CSMD1: variants seen among roughly 807,000 people sequenced by gnomAD.
CSMD1 encodes CUB and Sushi multiple domains 1.
A neutral mutation model predicts 417.5 loss-of-function variants in CSMD1; 213 were observed. The observed-to-expected ratio is 0.51, with a 90% CI of 0.46 to 0.57. The LOEUF (loss-of-function observed/expected upper bound fraction) is 0.57, where lower values mean the gene tolerates loss of function less well. Ranked by LOEUF, CSMD1 falls within the 20% of genes least tolerant of loss-of-function variation. The probability of loss-of-function intolerance (pLI) is 0.00; values close to 1 mark genes in which losing one functional copy is unlikely to be tolerated. For missense variants in CSMD1, 6,923 were observed against 4,529.7 expected (o/e 1.53, Z -15.17); for synonymous variants, 2,862 against 1,736.8 (o/e 1.65, Z -16.11).
intron 1 of CSMD1, among the ~76,000 whole-genome samples, chr8:4,923,527 CAT>C (rs35731563): frequency 2.6e-5 from 4 of 151,188 alleles, no homozygotes; most frequent in Admixed American, 1.3e-4. Context: ...CATATATATT[CAT>C]ATATATATAT....
chr8:3,125,837 C>T (rs1030085757), intron 41 of CSMD1, among the ~76,000 whole-genome samples: 13 of 152,164 alleles, frequency 8.5e-5, no homozygotes, highest in African/African-American at 2.4e-4. Flanking sequence ...ATTAGCTGGG[C>T]GTGGTAGCAG....
intron 41 of CSMD1, among the ~76,000 whole-genome samples, chr8:3,125,676 C>A (rs1448002617): frequency 6.6e-6 from 1 of 152,176 alleles, no homozygotes; most frequent in Non-Finnish European, 1.5e-5. Flanking sequence ...TATTATCTGT[C>A]ATTAAAAAGT....
chr8:3,219,486 T>A (rs1798079440), intron 28 of CSMD1, 44 bp from the exon 29 acceptor site: 1 of 1,311,920 alleles, frequency 7.6e-7, no homozygotes, highest in Non-Finnish European at 1.0e-6. Flanking sequence ...TAACAGATAT[T>A]TTATCTCCCA....
intron 2 of CSMD1, among the ~76,000 whole-genome samples, chr8:4,472,320 C>G (rs1038944334): frequency 3.9e-5 from 6 of 152,028 alleles, no homozygotes; most frequent in African/African-American, 9.7e-5. Flanking sequence ...TGACAACTTA[C>G]CAATAGTAGA....
At chr8:4,684,733 T>C (rs1374662171) in intron 1 of CSMD1, among the ~76,000 whole-genome samples, 1 of 152,220 alleles carries the variant, frequency 6.6e-6, no homozygotes, top group Non-Finnish European at 1.5e-5. Context: ...GCTGTAAAAA[T>C]ATTTTGAACT....
intron 8 of CSMD1, among the ~76,000 whole-genome samples, chr8:3,615,723 C>G (rs574350296): frequency 5.3e-5 from 8 of 152,256 alleles, no homozygotes; most frequent in East Asian, 1.9e-4. Context: ...CCATTTGTAG[C>G]CCACTTCAGC....
At chr8:3,820,304 G>C (rs9694830) in intron 5 of CSMD1, among the ~76,000 whole-genome samples, 1 of 152,084 alleles carries the variant, frequency 6.6e-6, no homozygotes, top group South Asian at 2.1e-4. Flanking sequence ...CTCAGAAGAG[G>C]ACACAGTAGT....
At chr8:4,042,727 G>T (rs999597861) in intron 3 of CSMD1, among the ~76,000 whole-genome samples, 2 of 147,554 alleles carry the variant, frequency 1.4e-5, no homozygotes, top group Admixed American at 1.4e-4. Flanking sequence ...TGACAGAAAT[G>T]ACAGCAATAC....
intron 26 of CSMD1, among the ~76,000 whole-genome samples, chr8:3,241,207 G>C (rs566593858): frequency 1.1e-4 from 16 of 151,618 alleles, no homozygotes; most frequent in African/African-American, 3.6e-4. Context: ...AACTGGGCAG[G>C]TGGGGATAAC....
At chr8:4,912,805 G>GA (rs373562646) in intron 1 of CSMD1, among the ~76,000 whole-genome samples, 1 of 150,714 alleles carries the variant, frequency 6.6e-6, no homozygotes, top group Admixed American at 6.6e-5. Context: ...TGGAGGGGGG[G>GA]CACAGAGTCT....
At chr8:4,300,822 A>G (rs113421690) in intron 3 of CSMD1, among the ~76,000 whole-genome samples, 2,958 of 152,170 alleles carry the variant, frequency 0.019, 88 homozygotes, top group African/African-American at 0.066. Context: ...GCTGAGAATG[A>G]TGGTTTCCAG....
At chr8:4,460,525 A>C (rs578062846) in intron 2 of CSMD1, among the ~76,000 whole-genome samples, 1 of 152,298 alleles carries the variant, frequency 6.6e-6, no homozygotes, top group South Asian at 2.1e-4. Flanking sequence ...AGCAAATTCA[A>C]AGAAATTTTT....
intron 52 of CSMD1, among the ~76,000 whole-genome samples, chr8:3,011,683 C>T (rs1808393551): frequency 6.6e-6 from 1 of 152,046 alleles, no homozygotes; most frequent in Admixed American, 6.6e-5. Context: ...CTCAAGCTAC[C>T]ACTAATATCT....
intron 10 of CSMD1, among the ~76,000 whole-genome samples, chr8:3,530,283 G>C (rs1319270421): frequency 6.6e-6 from 1 of 151,996 alleles, no homozygotes; most frequent in Non-Finnish European, 1.5e-5. Context: ...ATTTTAATGT[G>C]ATGGTTTACA....
In CSMD1 at chr8:4,637,607, A is replaced by T. The variant is rs1352262827; in HGVS notation, c.86-49T>A. 2.6e-6 allele frequency: 3 copies of T among 1,170,408 alleles called. No homozygotes were observed. The Admixed American group carries it at 7.2e-5, about 28-fold the overall frequency. The allele number at this position is 1,170,408 out of a possible 1,614,324, so 72.5% of individuals were successfully genotyped here. ...AAAGCATATTATTCTGGCCATCTTT[A>T]ATCTGTGATTTAAAAAATTTCTAAA... On this transcript the variant is annotated intron_variant, in intron 1 of 69. Coordinates refer to ENST00000635120, the MANE Select transcript of CSMD1 (RefSeq NM_033225.6).
At chr8:3,687,275 A>C (rs1789503063) in intron 7 of CSMD1, among the ~76,000 whole-genome samples, 1 of 152,144 alleles carries the variant, frequency 6.6e-6, no homozygotes, top group African/African-American at 2.4e-5. Context: ...CAGGACCAAA[A>C]AAGTCTGTGG....
intron 1 of CSMD1, among the ~76,000 whole-genome samples, chr8:4,866,410 T>G (rs1052598663): frequency 1.3e-5 from 2 of 152,048 alleles, no homozygotes; most frequent in African/African-American, 4.8e-5. Flanking sequence ...TCTCTAATTG[T>G]TTCTCTAAGA....
chr8:4,227,734 C>A (rs755833609), intron 3 of CSMD1, among the ~76,000 whole-genome samples: 2 of 151,822 alleles, frequency 1.3e-5, no homozygotes, highest in Non-Finnish European at 2.9e-5. Context: ...CATTAACTCC[C>A]ACACCTGGAG....
At chr8:4,264,013 T>A in intron 3 of CSMD1, among the ~76,000 whole-genome samples, 1 of 152,160 alleles carries the variant, frequency 6.6e-6, no homozygotes, top group Non-Finnish European at 1.5e-5. Context: ...ATCAGATCGT[T>A]CTTATTGACT....
Sources: gnomAD v4.1 joint callset for allele counts (sites outside exome capture counted in the v4.1 genomes callset) on GRCh38, gnomAD v4.1.1 for gene constraint, MANE v1.5 for transcripts, NCBI Gene and HGNC (gene_info 2026-07-23, HGNC 2026-07-21) for gene names.